The following DSCAM variants were observed in gnomAD, a reference collection of about 807,000 sequenced individuals.
DSCAM encodes DS cell adhesion molecule, also known as cell adhesion molecule DSCAM.
In DSCAM, 47 loss-of-function variants were observed where a neutral mutation model predicts 217.7. The observed-to-expected ratio is 0.22, with a 90% confidence interval of 0.17 to 0.28. The LOEUF (loss-of-function observed/expected upper bound fraction) is 0.28. Ranked by LOEUF, DSCAM falls within the 10% of genes least tolerant of loss-of-function variation. The probability of loss-of-function intolerance (pLI) is 1.00; values close to 1 mark genes in which losing one functional copy is unlikely to be tolerated. For synonymous variants in DSCAM, 1,056 were observed against 1,015.3 expected (o/e 1.04, Z -0.76); for missense variants, 2,080 against 2,618.3 (o/e 0.79, Z 4.49).
chr21:40,804,377 T>C (rs2091768303), intron 1 of DSCAM, among the ~76,000 whole-genome samples: 1 of 152,168 alleles, frequency 6.6e-6, no homozygotes. Context: ...CTGATGATTA[T>C]CCTGTTCCTC....
At chr21:40,841,499 A>G (rs1294693535) in intron 1 of DSCAM, among the ~76,000 whole-genome samples, 2 of 152,176 alleles carry the variant, frequency 1.3e-5, no homozygotes, top group Non-Finnish European at 2.9e-5. Flanking sequence ...TTTTGTGCCC[A>G]GGTCTTTGGA....
intron 11 of DSCAM, among the ~76,000 whole-genome samples, chr21:40,190,350 C>A (rs1249260648): frequency 1.3e-5 from 2 of 151,752 alleles, no homozygotes; most frequent in African/African-American, 4.9e-5. Flanking sequence ...AACCAGAGAC[C>A]AAACACAAAA....
At chr21:40,307,546 C>G (rs1215113216) in intron 9 of DSCAM, among the ~76,000 whole-genome samples, 1 of 152,088 alleles carries the variant, frequency 6.6e-6, no homozygotes, top group Non-Finnish European at 1.5e-5. Flanking sequence ...GGATCTAGAA[C>G]TAGAAATACC....
intron 27 of DSCAM, among the ~76,000 whole-genome samples, chr21:40,065,039 A>G (rs1176810745): frequency 6.6e-6 from 1 of 152,132 alleles, no homozygotes; most frequent in African/African-American, 2.4e-5. Context: ...GAAGAGAGCC[A>G]GGGTTATGTG....
At chr21:40,422,432 C>T (rs1371714990) in intron 3 of DSCAM, among the ~76,000 whole-genome samples, 2 of 151,682 alleles carry the variant, frequency 1.3e-5, no homozygotes, top group Non-Finnish European at 2.9e-5. Context: ...GAGTTTGAGA[C>T]CAAATTGGCC....
chr21:40,653,664 A>G (rs2090040914), intron 3 of DSCAM, among the ~76,000 whole-genome samples: 1 of 152,066 alleles, frequency 6.6e-6, no homozygotes, highest in African/African-American at 2.4e-5. Flanking sequence ...AGTGGAGAAG[A>G]CCCCGCGTTG....
Position 40,550,927 on chromosome 21 carries a change from G to A in DSCAM, c.508+141883C>T, listed in dbSNP as rs528388234. Among the ~76,000 whole-genome samples the A allele has an allele frequency of 2.6e-5, 4 of 152,300 alleles. No individual in the cohort carries two copies. The South Asian group carries it at 8.3e-4, about 32-fold the overall frequency. ...TGGATGCAAGTGATTGGCTGAAACT[G>A]GGATGCTGTGATTGGCTGAGACTCA... is the stretch of plus-strand genomic sequence containing the variant. On this transcript the variant is annotated intron_variant, in intron 3 of 32. Coordinates refer to ENST00000400454, the MANE Select transcript of DSCAM (RefSeq NM_001389.5).
intron 27 of DSCAM, among the ~76,000 whole-genome samples, chr21:40,071,786 G>A (rs532530008): frequency 6.6e-6 from 1 of 152,308 alleles, no homozygotes; most frequent in South Asian, 2.1e-4. Flanking sequence ...CCTTATGTGG[G>A]TTCGCTTGTT....
chr21:40,435,762 T>C lies in DSCAM; in HGVS notation c.509-66517A>G, dbSNP rs145688554. Among the ~76,000 whole-genome samples the C allele has an allele frequency of 9.8e-5, 15 of 152,350 alleles. No individual in the cohort carries two copies. In the East Asian group the frequency reaches 2.7e-3, roughly 27 times the overall value. ...ATCTCTATGCCTATCCCTTTACCTA[T>C]ACAGACAGTTCCTGTCCGATGGTTT... On this transcript the variant is annotated intron_variant, in intron 3 of 32. Coordinates refer to ENST00000400454, the MANE Select transcript of DSCAM (RefSeq NM_001389.5).
chr21:40,566,372 C>A (rs2076764353), intron 3 of DSCAM, among the ~76,000 whole-genome samples: 1 of 152,164 alleles, frequency 6.6e-6, no homozygotes, highest in Non-Finnish European at 1.5e-5. Context: ...TCAAGAGAAT[C>A]CCATGTGATC....
intron 6 of DSCAM, among the ~76,000 whole-genome samples, chr21:40,344,182 A>G (rs2074532913): frequency 6.6e-6 from 1 of 152,216 alleles, no homozygotes; most frequent in South Asian, 2.1e-4. Context: ...TACAGGCGTG[A>G]GCGACAGCAC....
chr21:40,481,217 C>A (rs537574832), intron 3 of DSCAM, among the ~76,000 whole-genome samples: 1 of 152,116 alleles, frequency 6.6e-6, no homozygotes, highest in African/African-American at 2.4e-5. Context: ...AGGCCGGGTG[C>A]GGTAGCTCAC....
Position 40,531,501 on chromosome 21 carries a change from C to T in DSCAM, c.508+161309G>A, listed in dbSNP as rs141143861. Among the ~76,000 whole-genome samples the T allele has an allele frequency of 5.2e-3, 799 of 152,318 alleles. 6 individuals carry two copies. The highest frequency in any genetic ancestry group is 0.018 in the African/African-American group (732 of 41,566). On this transcript the variant is annotated intron_variant, in intron 3 of 32. Coordinates refer to ENST00000400454, the MANE Select transcript of DSCAM (RefSeq NM_001389.5). ...GCAGACTGATGGGCAGGGACCACGTCAGTATTTCCACCACTGGGCCCAGCT... is the reference window on the plus strand; with the variant it reads ...GCAGACTGATGGGCAGGGACCACGTTAGTATTTCCACCACTGGGCCCAGCT...
At chr21:40,475,345 C>T (rs2075924594) in intron 3 of DSCAM, among the ~76,000 whole-genome samples, 1 of 152,214 alleles carries the variant, frequency 6.6e-6, no homozygotes, top group Non-Finnish European at 1.5e-5. Flanking sequence ...ACTGGCTCAG[C>T]AAGATCCCTG....
chr21:40,146,775 C>A (rs1008704050), intron 16 of DSCAM, among the ~76,000 whole-genome samples: 4 of 152,164 alleles, frequency 2.6e-5, no homozygotes, highest in Admixed American at 2.0e-4. Flanking sequence ...TTATTATAAA[C>A]AAATGTCTAT....
intron 11 of DSCAM, among the ~76,000 whole-genome samples, chr21:40,263,627 C>T (rs1390646582): frequency 6.6e-6 from 1 of 152,076 alleles, no homozygotes; most frequent in Admixed American, 6.6e-5. Context: ...CAGAAGTTGA[C>T]AACCTAACAT....
chr21:40,419,995 G>A (rs2075407819), intron 3 of DSCAM, among the ~76,000 whole-genome samples: 1 of 152,010 alleles, frequency 6.6e-6, no homozygotes, highest in Non-Finnish European at 1.5e-5. Context: ...ATGCTTTTGA[G>A]TCATTAGAGA....
chr21:40,455,177 T>G (rs2145936855), intron 3 of DSCAM, among the ~76,000 whole-genome samples: 1 of 152,172 alleles, frequency 6.6e-6, no homozygotes, highest in African/African-American at 2.4e-5. Flanking sequence ...TAAGACCAGG[T>G]TCAGAGAAGC....
chr21:40,467,906 A>G (rs966812892), intron 3 of DSCAM, among the ~76,000 whole-genome samples: 2 of 150,320 alleles, frequency 1.3e-5, no homozygotes, highest in Admixed American at 1.3e-4. Flanking sequence ...TTTATTCCAA[A>G]ATAAGATAGC....
Sources: gnomAD v4.1 joint callset for allele counts (sites outside exome capture counted in the v4.1 genomes callset) on GRCh38, gnomAD v4.1.1 for gene constraint, MANE v1.5 for transcripts, NCBI Gene and HGNC (gene_info 2026-07-23, HGNC 2026-07-21) for gene names.